Variants in OR51B5 observed in about 807,000 individuals in gnomAD.
OR51B5 encodes the protein olfactory receptor family 51 subfamily B member 5.
For missense variants in OR51B5, 456 were observed against 374.6 expected (o/e 1.22, Z -1.79); for synonymous variants, 186 against 144.8 (o/e 1.28, Z -2.04).
chr11:5,392,167 G>A (rs1210058211), intron 1 of OR51B5: 1 of 152,226 alleles, frequency 6.6e-6, no homozygotes, highest in East Asian at 1.9e-4. Context: ...ATGTTTGTGT[G>A]GTATCTCATG....
At chr11:5,503,744 C>T (rs1270785690) in intron 1 of OR51B5, among the ~76,000 whole-genome samples, 1 of 152,030 alleles carries the variant, frequency 6.6e-6, no homozygotes, top group Admixed American at 6.6e-5. Context: ...GTAATGACGA[C>T]ATTTCAGTCT....
intron 1 of OR51B5, among the ~76,000 whole-genome samples, chr11:5,377,229 A>C (rs1849541304): frequency 6.6e-6 from 1 of 152,172 alleles, no homozygotes; most frequent in Non-Finnish European, 1.5e-5. Context: ...ATCTCAATAG[A>C]TGCAGAAAAG....
chr11:5,398,823 T>C (rs1589974591), intron 1 of OR51B5, among the ~76,000 whole-genome samples: 2 of 152,304 alleles, frequency 1.3e-5, no homozygotes, highest in Admixed American at 1.3e-4. Flanking sequence ...TCTGCCATAA[T>C]TGTAAGTTTC....
chr11:5,371,971 T>G (rs556032820), intron 1 of OR51B5, among the ~76,000 whole-genome samples: 121 of 152,290 alleles, frequency 7.9e-4, no homozygotes, highest in African/African-American at 2.8e-3. Flanking sequence ...CTTTTGAGAT[T>G]CCACATATAA....
intron 1 of OR51B5, among the ~76,000 whole-genome samples, chr11:5,504,565 C>G (rs1846346440): frequency 6.6e-6 from 1 of 152,206 alleles, no homozygotes; most frequent in Admixed American, 6.5e-5. Context: ...CCTGCTCTTT[C>G]AGCAACATCA....
chr11:5,486,124 T>A (rs756038715), intron 1 of OR51B5, among the ~76,000 whole-genome samples: 5 of 77,680 alleles, frequency 6.4e-5, no homozygotes, highest in African/African-American at 1.0e-4. Context: ...TCCACAACTG[T>A]GAGAGAATAT....
chr11:5,343,075 T>C lies in OR51B5; in HGVS notation c.450A>G (p.Gly150=), dbSNP rs144822012. 1,081 of 1,613,110 alleles carry C rather than the reference T, an allele frequency of 6.7e-4. 4 individuals are homozygous for C. In the African/African-American group the frequency reaches 0.013, roughly 19 times the overall value. Reference sequence around the variant, plus strand: ...TGATTGGGGGAACAACGGATACAAATCCCCTCATCAGAACTCCCAGCCCAA... The same window carrying C: ...TGATTGGGGGAACAACGGATACAAACCCCCTCATCAGAACTCCCAGCCCAA... Residue 150 remains glycine, a synonymous_variant, in exon 1 of 1, where the codon GGA becomes GGG. Transcript: ENST00000300773.
intron 1 of OR51B5, chr11:5,389,722 G>C (rs185802644): frequency 2.5e-6 from 4 of 1,613,774 alleles, no homozygotes; most frequent in Non-Finnish European, 3.4e-6. Flanking sequence ...ACTTTGGAGC[G>C]TGTCAAATCC....
At chr11:5,358,283 A>T (rs1849225142) in intron 1 of OR51B5, among the ~76,000 whole-genome samples, 1 of 152,182 alleles carries the variant, frequency 6.6e-6, no homozygotes, top group East Asian at 1.9e-4. Flanking sequence ...AGAATCAAAT[A>T]GATGCAATAA....
In OR51B5 at chr11:5,413,085, A is replaced by T. The variant is rs536552834; in HGVS notation, n.85-66175T>A. 5.3e-5 allele frequency among the ~76,000 whole-genome samples: 8 copies of T among 152,274 alleles called. No individual in the cohort carries two copies. The East Asian group carries it at 1.5e-3, about 29-fold the overall frequency. ...CACGGCCTGATACTCCTCTGAGACA[A>T]AACTTCCAGAGGAACGATCAGACAG... On this transcript the variant is annotated intron_variant and non_coding_transcript_variant, in intron 1 of 4. Coordinates refer to the OR51B5 transcript ENST00000415970.
intron 1 of OR51B5, among the ~76,000 whole-genome samples, chr11:5,359,973 C>T (rs1849255724): frequency 6.6e-6 from 1 of 152,162 alleles, no homozygotes; most frequent in Non-Finnish European, 1.5e-5. Context: ...CCCTTTCTTA[C>T]ACCTTATACA....
At chr11:5,405,272 CATACA>C (rs957923526) in intron 1 of OR51B5, among the ~76,000 whole-genome samples, 1 of 152,088 alleles carries the variant, frequency 6.6e-6, no homozygotes, top group African/African-American at 2.4e-5. Context: ...CTGATGTTTA[CATACA>C]GTAAACATCT....
In OR51B5 at chr11:5,357,281, A is replaced by T. The variant is rs532586091; in HGVS notation, n.85-10371T>A. 2.6e-5 allele frequency among the ~76,000 whole-genome samples: 4 copies of T among 152,218 alleles called. No homozygotes were observed. In the East Asian group the frequency reaches 7.7e-4, roughly 29 times the overall value. The stretch of plus-strand genomic sequence containing the variant: ...GCTCAAAATAAAGGGATGGAGGAAG[A>T]TCTACCAAGAAAATGGAAAACAAAA... On this transcript the variant is annotated intron_variant and non_coding_transcript_variant, in intron 1 of 4. Coordinates refer to the OR51B5 transcript ENST00000415970.
chr11:5,406,155 AGTGAATTCTC>A (rs1266792034), intron 1 of OR51B5, among the ~76,000 whole-genome samples: 2 of 152,220 alleles, frequency 1.3e-5, no homozygotes, highest in Non-Finnish European at 2.9e-5. Flanking sequence ...GAGATTGCAT[AGTGAATTCTC>A]AGCCTTCTTA....
At position 5,412,585 on chromosome 11, in the gene OR51B5, C is replaced by T. The variant is rs557984624; in HGVS notation, n.85-65675G>A. On this transcript the variant is annotated intron_variant and non_coding_transcript_variant, in intron 1 of 4. Transcript: ENST00000415970. ...CACCTGGAAAATCGGGTCACTGCCA[C>T]CCGAATACTGCGCTTTTCCAACGGG... Among the ~76,000 whole-genome samples the T allele has an allele frequency of 7.2e-5, 11 of 152,360 alleles. No homozygotes were observed. The South Asian group carries it at 2.3e-3, about 32-fold the overall frequency.
At chr11:5,492,052 T>C (rs1293765671) in intron 1 of OR51B5, among the ~76,000 whole-genome samples, 1 of 152,198 alleles carries the variant, frequency 6.6e-6, no homozygotes, top group East Asian at 1.9e-4. Flanking sequence ...AATTTGTTCC[T>C]TTATCCCCAA....
chr11:5,370,535 T>C (rs1298309986), intron 1 of OR51B5, among the ~76,000 whole-genome samples: 1 of 152,206 alleles, frequency 6.6e-6, no homozygotes, highest in Non-Finnish European at 1.5e-5. Context: ...TCATTCTTAC[T>C]TTCTGTCTTT....
chr11:5,361,519 G>T (rs1236951224), intron 1 of OR51B5, among the ~76,000 whole-genome samples: 1 of 152,198 alleles, frequency 6.6e-6, no homozygotes, highest in Non-Finnish European at 1.5e-5. Context: ...AAGAACTCCA[G>T]TGTGTCTTGG....
chr11:5,446,776 A>G (rs1498492), intron 1 of OR51B5, among the ~76,000 whole-genome samples: 106,393 of 152,106 alleles, frequency 0.7, 38,567 homozygotes, highest in Non-Finnish European at 0.8. Flanking sequence ...AGTGGATGCC[A>G]CAGAAACATG....
Sources: allele counts gnomAD v4.1 joint callset (sites outside exome capture counted in the v4.1 genomes callset), GRCh38; gene constraint gnomAD v4.1.1; transcripts MANE v1.5; gene names NCBI Gene and HGNC (gene_info 2026-07-23, HGNC 2026-07-21).